ABCD2: variants seen among roughly 807,000 people sequenced by gnomAD.
The protein encoded by ABCD2 is ATP binding cassette subfamily D member 2.
Under a neutral mutation model 70.9 loss-of-function variants are expected in ABCD2, and 36 were observed. That is an observed-to-expected ratio of 0.51 (90% CI 0.39 to 0.67). ABCD2 has a LOEUF of 0.67. ABCD2 is among the 30% of genes least tolerant of loss of function. ABCD2 has a pLI of 0.00. For synonymous variants in ABCD2, 304 were observed against 306.9 expected, an observed-to-expected ratio of 0.99 and a Z score of 0.10; for missense variants, 729 against 890.2, an observed-to-expected ratio of 0.82 and a Z score of 2.30.
chr12:39,534,689 A>C, the ABCD2 span, among the ~76,000 whole-genome samples: 5 of 86,378 alleles, frequency 5.8e-5, no homozygotes, highest in African/African-American at 1.8e-4. Context: ...GAAGGAAGGA[A>C]GGAAGGAAGG....
the ABCD2 span, among the ~76,000 whole-genome samples, chr12:39,534,778 GAA>G: frequency 3.0e-5 from 4 of 132,714 alleles, no homozygotes; most frequent in South Asian, 2.6e-4. Flanking sequence ...AAGAAAGAAA[GAA>G]AGAAAGAAAG....
At chr12:39,572,362 G>T (rs1369546641) in intron 9 of ABCD2, among the ~76,000 whole-genome samples, 1 of 152,108 alleles carries the variant, frequency 6.6e-6, no homozygotes, top group Non-Finnish European at 1.5e-5. Flanking sequence ...TTGATTCAGA[G>T]GATTTACAGG....
At chr12:39,612,233 C>T (rs1409612279) in intron 2 of ABCD2, among the ~76,000 whole-genome samples, 1 of 152,148 alleles carries the variant, frequency 6.6e-6, no homozygotes, top group Non-Finnish European at 1.5e-5. Context: ...TAGTTAAGTA[C>T]TCACAGATAT....
chr12:39,567,860 G>T (rs1223069197), intron 9 of ABCD2, among the ~76,000 whole-genome samples: 2 of 152,222 alleles, frequency 1.3e-5, no homozygotes, highest in South Asian at 4.1e-4. Flanking sequence ...GTCTGTAAAG[G>T]ATTTGATTTC....
rs377459148 is a variant in ABCD2 at position 39,562,458 on chromosome 12, A to G, written c.2004-8327T>C. On this transcript the variant is annotated intron_variant, in intron 9 of 9. Transcript: ENST00000308666. ...CAAATGTTTATCTAGAATAAGAAAA[A>G]AGAAAGAAGATTCAAATAAATAAAT... is the stretch of plus-strand genomic sequence containing the variant. Among the ~76,000 whole-genome samples, 117 of 152,220 alleles carry G rather than the reference A, an allele frequency of 7.7e-4. No individual in the cohort carries two copies. In the East Asian group the frequency reaches 8.9e-3, roughly 12 times the overall value.
chr12:39,602,692 TTTTAG>T (rs1390963779), intron 5 of ABCD2, among the ~76,000 whole-genome samples: 6 of 152,240 alleles, frequency 3.9e-5, no homozygotes, highest in Admixed American at 1.3e-4. Context: ...GACTGAGTAT[TTTTAG>T]TTTAGTTTAT....
chr12:39,603,666 C>T (rs1314651373), intron 5 of ABCD2, among the ~76,000 whole-genome samples: 1 of 151,832 alleles, frequency 6.6e-6, no homozygotes, highest in African/African-American at 2.4e-5. Context: ...CTATTGTTCC[C>T]CAAAATTACC....
At chr12:39,600,411 G>T (rs957983029) in intron 6 of ABCD2, among the ~76,000 whole-genome samples, 160 bp downstream of exon 6, 2 of 152,016 alleles carry the variant, frequency 1.3e-5, no homozygotes, top group African/African-American at 4.8e-5. Flanking sequence ...TACAATCAAA[G>T]CAGTAATAAA....
chr12:39,580,994 A>T (rs1294319357), intron 7 of ABCD2, among the ~76,000 whole-genome samples: 1 of 152,198 alleles, frequency 6.6e-6, no homozygotes, highest in Non-Finnish European at 1.5e-5. Context: ...GAAATCCAAA[A>T]GTTTAGAGGC....
chr12:39,541,853 C>T, the ABCD2 span, among the ~76,000 whole-genome samples: 2 of 152,142 alleles, frequency 1.3e-5, no homozygotes, highest in Non-Finnish European at 2.9e-5. Flanking sequence ...CATTAATGAA[C>T]TTCATGCACA....
At position 39,553,321 on chromosome 12, in the gene ABCD2, A is replaced by T. The variant is rs1031162282; in HGVS notation, c.*591T>A. ...TTAAGATGCTTAAAGTCCAAAATTTAAAAATATGGCATTTTATACATTTTA... is the reference window on the plus strand; with the variant it reads ...TTAAGATGCTTAAAGTCCAAAATTTTAAAATATGGCATTTTATACATTTTA... On this transcript the variant is annotated 3_prime_UTR_variant, in exon 10 of 10. Coordinates refer to ENST00000308666, the MANE Select transcript of ABCD2 (RefSeq NM_005164.4). 2.0e-5 allele frequency: 3 copies of T among 152,092 alleles called. No homozygotes were observed. Among genetic ancestry groups the T allele is most frequent in the African/African-American group, 7.2e-5 (3 of 41,448 alleles). 9.4% of individuals were successfully genotyped at this position (152,092 alleles called of 1,614,324 possible).
intron 9 of ABCD2, among the ~76,000 whole-genome samples, chr12:39,572,788 A>AAGAG (rs914847169): frequency 2.0e-5 from 3 of 152,162 alleles, no homozygotes; most frequent in African/African-American, 7.2e-5. Context: ...TGCAGCCAGA[A>AAGAG]AGAGAGAGAG....
At chr12:39,559,292 G>T (rs969494676) in intron 9 of ABCD2, among the ~76,000 whole-genome samples, 1 of 148,642 alleles carries the variant, frequency 6.7e-6, no homozygotes, top group Non-Finnish European at 1.5e-5. Context: ...CAGGAGAATT[G>T]CTTGAATCCA....
At chr12:39,585,909 T>A (rs909168948) in intron 7 of ABCD2, among the ~76,000 whole-genome samples, 2 of 152,140 alleles carry the variant, frequency 1.3e-5, no homozygotes, top group Admixed American at 6.6e-5. Flanking sequence ...AGAAAAAAAC[T>A]GTTTTTAAAT....
chr12:39,576,781 T>C (rs1410803245), intron 8 of ABCD2, among the ~76,000 whole-genome samples: 1 of 152,082 alleles, frequency 6.6e-6, no homozygotes, highest in African/African-American at 2.4e-5. Context: ...GGAGGATGAG[T>C]AAACTTCCCA....
At chr12:39,547,195 G>T (rs990224644), downstream of ABCD2, among the ~76,000 whole-genome samples, 1 of 152,072 alleles carries the variant, frequency 6.6e-6, no homozygotes, top group South Asian at 2.1e-4. Context: ...AATAACAAGT[G>T]CTGGTAAGGA....
chr12:39,546,668 A>G (rs1197379459), downstream of ABCD2, among the ~76,000 whole-genome samples: 2 of 152,154 alleles, frequency 1.3e-5, no homozygotes, highest in Non-Finnish European at 2.9e-5. Context: ...GGGAAGATAC[A>G]TGATAAAAGG....
chr12:39,540,034 T>G, the ABCD2 span, among the ~76,000 whole-genome samples: 1 of 152,182 alleles, frequency 6.6e-6, no homozygotes, highest in Non-Finnish European at 1.5e-5. Flanking sequence ...TGATCCAGGT[T>G]TCCTGTGCAC....
intron 9 of ABCD2, among the ~76,000 whole-genome samples, chr12:39,560,916 A>G (rs1348490893): frequency 6.6e-6 from 1 of 152,182 alleles, no homozygotes; most frequent in Non-Finnish European, 1.5e-5. Flanking sequence ...CACTAAAAAT[A>G]AAAAGCAAGG....
Sources: allele counts gnomAD v4.1 joint callset (sites outside exome capture counted in the v4.1 genomes callset), GRCh38; gene constraint gnomAD v4.1.1; transcripts MANE v1.5; gene names NCBI Gene and HGNC (gene_info 2026-07-23, HGNC 2026-07-21).